The following PNPLA6 variants were observed in gnomAD, a reference collection of about 807,000 sequenced individuals.
PNPLA6 encodes the protein patatin like domain 6, lysophospholipase, also known as patatin-like phospholipase domain-containing protein 6.
Under a neutral mutation model 153.7 loss-of-function variants are expected in PNPLA6, and 105 were observed. That is an observed-to-expected ratio of 0.68 (90% CI 0.58 to 0.80). The LOEUF (loss-of-function observed/expected upper bound fraction) is 0.80. PNPLA6 is among the 30% of genes least tolerant of loss of function. PNPLA6 has a pLI of 0.00. For synonymous variants in PNPLA6, 825 were observed against 822.2 expected, an observed-to-expected ratio of 1.00 and a Z score of -0.06; for missense variants, 1,423 against 1,919.3, an observed-to-expected ratio of 0.74 and a Z score of 4.83.
chr19:7,535,950 C>T lies in PNPLA6; in HGVS notation c.162C>T (p.Ile54=), dbSNP rs200310048. ...TCCCTCAGGTGCTTGGCGTGATGAT[C>T]GGGGCCGGAGTGGCGGTGGTGGTCA... The part of the protein sequence containing the change: ...PFVPQVLGVM[I]GAGVAVVVTA... The change falls in exon 1 of 32, where the codon ATC becomes ATT. Residue 54 remains isoleucine (I), a synonymous_variant. Transcript: ENST00000600737. The surrounding 1 kb of genome is among the most constrained non-coding windows in gnomAD (Gnocchi z 5.0). 503 of 1,588,022 alleles carry T rather than the reference C, an allele frequency of 3.2e-4. 1 individual carries two copies. Among genetic ancestry groups the T allele is most frequent in the Middle Eastern group, 2.8e-3 (17 of 5,992 alleles).
In PNPLA6 at chr19:7,540,755, C is replaced by T. The variant is rs374345971; in HGVS notation, c.795+45C>T. On this transcript the variant is annotated intron_variant, in intron 6 of 31. Transcript: ENST00000600737. The surrounding 1 kb of genome is among the most constrained non-coding windows in gnomAD (Gnocchi z 6.8). ...GGCAGGGGGGCTGGGGTGCAAGGTC[C>T]CACCCAAGGGACTAGGTTGAAGGAA... The T allele has an allele frequency of 6.4e-6, 10 of 1,555,426 alleles. No homozygotes were observed. In the African/African-American group the frequency reaches 9.5e-5, roughly 15 times the overall value.
At position 7,560,784 on chromosome 19, in the gene PNPLA6, A is replaced by G; in HGVS notation, c.3816+20A>G. The G allele has an allele frequency of 6.9e-7, 1 of 1,457,580 alleles. No homozygotes were observed. The highest frequency in any genetic ancestry group is 9.6e-7 in the Non-Finnish European group (1 of 1,037,534). The allele number at this position is 1,457,580 out of a possible 1,614,324, so 90.3% of individuals were successfully genotyped here. ...GCAGACGTAAGCCTGTGATGCCCCCAGGGCCACTCTGACTCCACTGATTAC... is the reference window on the plus strand; with the variant it reads ...GCAGACGTAAGCCTGTGATGCCCCCGGGGCCACTCTGACTCCACTGATTAC... On this transcript the variant is annotated intron_variant, in intron 29 of 31. Transcript: ENST00000600737.
rs1281960651 is a variant in PNPLA6, at chr19:7,549,916, C to T, written c.1618C>T (p.Leu540=). Residue 540 remains leucine, a synonymous_variant, in exon 14 of 32, where the codon CTG becomes TTG. Transcript: ENST00000600737. ...IARQGDQDVS[L]HFVLWGCLHV... Reference sequence around the variant, plus strand: ...TCCCCTGCCCGCACAGGACGTGAGCCTGCACTTCGTGCTCTGGGGCTGCCT... The same window carrying T: ...TCCCCTGCCCGCACAGGACGTGAGCTTGCACTTCGTGCTCTGGGGCTGCCT... 6.2e-6 allele frequency: 10 copies of T among 1,613,624 alleles called. No homozygotes were observed. The highest frequency in any genetic ancestry group is 2.2e-5 in the East Asian group (1 of 44,888).
In PNPLA6 at chr19:7,554,443, G is replaced by A. The variant is rs598023; in HGVS notation, c.2466-112G>A. The stretch of plus-strand genomic sequence containing the variant: ...TCTGCCCACCGGAGCACGGACTTCC[G>A]TGGTGGGGGTTTGGGTGTCTAAGTT... On this transcript the variant is annotated intron_variant, in intron 20 of 31. Transcript: ENST00000600737. The A allele has an allele frequency of 0.78, 1,054,958 of 1,348,780 alleles. 414,372 individuals carry two copies. The highest frequency in any genetic ancestry group is 0.87 in the Admixed American group (48,467 of 55,648). 83.6% of individuals were successfully genotyped at this position (1,348,780 alleles called of 1,614,324 possible). A position where few individuals can be genotyped will look rare whatever the true frequency, so the allele number is the denominator to read the frequency against.
chr19:7,546,590 G>A (rs988605254), intron 13 of PNPLA6, among the ~76,000 whole-genome samples: 1 of 152,102 alleles, frequency 6.6e-6, no homozygotes, highest in Non-Finnish European at 1.5e-5. Context: ...TGTATTTGTA[G>A]TAGAGACAGG....
At position 7,555,404 on chromosome 19, in the gene PNPLA6, G is replaced by A. The variant is rs1423536898; in HGVS notation, c.2936+37G>A. On this transcript the variant is annotated intron_variant, in intron 23 of 31. Coordinates refer to ENST00000600737, the MANE Select transcript of PNPLA6 (RefSeq NM_001166114.2). This position sits in a 1 kb window ranked among gnomAD's most constrained non-coding sequence, Gnocchi z 6.3. ...GCTTGCTCTCTGGGGGCGGGGCCTG[G>A]ATGTCCGAGGGTGGAGCTTCCTGGG... The A allele has an allele frequency of 6.9e-7, 1 of 1,443,464 alleles. No homozygotes were observed. Among genetic ancestry groups the A allele is most frequent in the South Asian group, 1.2e-5 (1 of 82,072 alleles). The allele number at this position is 1,443,464 out of a possible 1,614,324, so 89.4% of individuals were successfully genotyped here.
rs1426342690 is a variant in PNPLA6, at chr19:7,541,639, G to A, written c.1123G>A (p.Gly375Arg). ...SATDEPRETP[G>R]RPPDPTGAPL... ...TACAGACGAGCCCAGGGAGACCCCAGGGCGGCCACCCGATCCCACCGGGGC... is the reference window on the plus strand; with the variant it reads ...TACAGACGAGCCCAGGGAGACCCCAAGGCGGCCACCCGATCCCACCGGGGC... Residue 375 changes from glycine to arginine, a missense_variant, in exon 9 of 32, where the codon GGG becomes AGG. Physicochemically the swap from Gly to Arg is moderately radical, Grantham distance 125. Transcript: ENST00000600737. This position sits in a 1 kb window ranked among gnomAD's most constrained non-coding sequence, Gnocchi z 5.2. 6.3e-7 allele frequency: 1 copy of A among 1,586,698 alleles called. No individual in the cohort carries two copies.
chr19:7,541,981 C>T lies in PNPLA6; in HGVS notation c.1169-3C>T. The T allele has an allele frequency of 6.2e-7, 1 of 1,607,738 alleles. No individual in the cohort carries two copies. Among genetic ancestry groups the T allele is most frequent in the Non-Finnish European group, 8.5e-7 (1 of 1,179,330 alleles). On this transcript the variant is annotated splice_region_variant and splice_polypyrimidine_tract_variant and intron_variant, in intron 9 of 31. Transcript: ENST00000600737. The surrounding 1 kb of genome is among the most constrained non-coding windows in gnomAD (Gnocchi z 5.2). ...CAGGAGCCTGAACATGTGTCTCCCCCAGGGGACCCTGTGAAGCCCACATCC... is the reference window on the plus strand; with the variant it reads ...CAGGAGCCTGAACATGTGTCTCCCCTAGGGGACCCTGTGAAGCCCACATCC...
Position 7,535,731 on chromosome 19 carries a change from C to T in PNPLA6, c.-58C>T. The stretch of plus-strand genomic sequence containing the variant: ...TTTCCCGGCATGCACTGCGGGCCGC[C>T]GGGCCTCAGGGAAGAGTCGCGCCCC... On this transcript the variant is annotated 5_prime_UTR_variant, in exon 1 of 32. Coordinates refer to ENST00000600737, the MANE Select transcript of PNPLA6 (RefSeq NM_001166114.2). The surrounding 1 kb of genome is among the most constrained non-coding windows in gnomAD (Gnocchi z 5.0). The T allele has an allele frequency of 2.0e-6, 3 of 1,518,610 alleles. No homozygotes were observed. Among genetic ancestry groups the T allele is most frequent in the Non-Finnish European group, 1.8e-6 (2 of 1,133,004 alleles). 94.1% of individuals were successfully genotyped at this position (1,518,610 alleles called of 1,614,324 possible). A position where few individuals can be genotyped will look rare whatever the true frequency, so the allele number is the denominator to read the frequency against.
At chr19:7,544,074 A>T (rs2146066597) in intron 13 of PNPLA6, among the ~76,000 whole-genome samples, 1 of 151,288 alleles carries the variant, frequency 6.6e-6, no homozygotes, top group South Asian at 2.1e-4. Flanking sequence ...AGGCCTTCCA[A>T]AGTGCTGGGA....
At chr19:7,535,233 G>A (rs1049113532), upstream of PNPLA6, 2 of 561,168 alleles carry the variant, frequency 3.6e-6, no homozygotes, top group African/African-American at 3.8e-5. The surrounding 1 kb of genome is among the most constrained non-coding windows in gnomAD (Gnocchi z 5.0). Context: ...TGGCCCCGGG[G>A]TGGGGTTGGA....
chr19:7,550,219 G>C lies in PNPLA6; in HGVS notation c.1815-79G>C. The C allele has an allele frequency of 3.7e-6, 6 of 1,610,066 alleles. No individual in the cohort carries two copies. The South Asian group carries it at 5.5e-5, about 15-fold the overall frequency. ...CTCACTCCTGGAAGAGCAGAAGGGA[G>C]CCCCCAGATCTGGCCTCCCAGCGCC... On this transcript the variant is annotated intron_variant, in intron 14 of 31. Coordinates refer to ENST00000600737, the MANE Select transcript of PNPLA6 (RefSeq NM_001166114.2).
At chr19:7,552,346 G>A (rs1014253980) in intron 18 of PNPLA6, among the ~76,000 whole-genome samples, 1 of 152,178 alleles carries the variant, frequency 6.6e-6, no homozygotes, top group Non-Finnish European at 1.5e-5. Context: ...CCAGATTCTG[G>A]GCCAGCCCAG....
intron 13 of PNPLA6, among the ~76,000 whole-genome samples, chr19:7,545,877 T>G (rs1019370010): frequency 4.7e-5 from 6 of 127,734 alleles, no homozygotes; most frequent in African/African-American, 1.8e-4. Flanking sequence ...ACCCCTGCAC[T>G]CCAGCCTGTG....
chr19:7,561,584 C>T lies in PNPLA6; in HGVS notation c.*22C>T, dbSNP rs530636876. 2 of 1,541,730 alleles carry T rather than the reference C, an allele frequency of 1.3e-6. No individual in the cohort carries two copies. The highest frequency in any genetic ancestry group is 2.3e-5 in the South Asian group (2 of 85,168). Reference sequence around the variant, plus strand: ...CTGAGGACCTCGACAGGGGTCACCCCCTCCCTCCCACCCCTGGACTGGGCT... The same window carrying T: ...CTGAGGACCTCGACAGGGGTCACCCTCTCCCTCCCACCCCTGGACTGGGCT... On this transcript the variant is annotated 3_prime_UTR_variant, in exon 32 of 32. Transcript: ENST00000600737.
intron 13 of PNPLA6, among the ~76,000 whole-genome samples, chr19:7,548,038 C>A (rs1222373652): frequency 6.7e-6 from 1 of 150,332 alleles, no homozygotes; most frequent in Non-Finnish European, 1.5e-5. Context: ...TGTCTTGGAC[C>A]ACACATAAAA....
Position 7,555,534 on chromosome 19 carries a change from TGGG to T in PNPLA6, c.2937-72_2937-70del. Reference sequence around the variant, plus strand: ...CTTTGTTCCTTAGCAGTGCGGGAGGTGGGAGGAGGTAGGGGCAGGGGAGTTCCT... The same window carrying T: ...CTTTGTTCCTTAGCAGTGCGGGAGGTAGGAGGTAGGGGCAGGGGAGTTCCT... On this transcript the variant is annotated intron_variant, in intron 23 of 31. Transcript: ENST00000600737. The surrounding 1 kb of genome is among the most constrained non-coding windows in gnomAD (Gnocchi z 6.3). 1 of 1,506,828 alleles carries T rather than the reference TGGG, an allele frequency of 6.6e-7. No homozygotes were observed. Among genetic ancestry groups the T allele is most frequent in the South Asian group, 1.2e-5 (1 of 82,374 alleles). The allele number at this position is 1,506,828 out of a possible 1,614,324, so 93.3% of individuals were successfully genotyped here.
Position 7,541,908 on chromosome 19 carries a change from C to A in PNPLA6, c.1169-76C>A. 1.5e-6 allele frequency: 2 copies of A among 1,315,196 alleles called. No individual in the cohort carries two copies. Among genetic ancestry groups the A allele is most frequent in the Non-Finnish European group, 2.2e-6 (2 of 918,028 alleles). The allele number at this position is 1,315,196 out of a possible 1,614,324, so 81.5% of individuals were successfully genotyped here. A position where few individuals can be genotyped will look rare whatever the true frequency, so the allele number is the denominator to read the frequency against. On this transcript the variant is annotated intron_variant, in intron 9 of 31. Transcript: ENST00000600737. The surrounding 1 kb of genome is among the most constrained non-coding windows in gnomAD (Gnocchi z 5.2). Reference sequence around the variant, plus strand: ...CTTTAACTAGTTAATCAGTCGCCAGCATCTCCTTATCTCCCAACCTGCTAA... The same window carrying A: ...CTTTAACTAGTTAATCAGTCGCCAGAATCTCCTTATCTCCCAACCTGCTAA...
rs199515082 is a variant in PNPLA6 at position 7,542,990 on chromosome 19, C to A, written c.1531-17C>A. On this transcript the variant is annotated splice_polypyrimidine_tract_variant and intron_variant, in intron 12 of 31. Coordinates refer to ENST00000600737, the MANE Select transcript of PNPLA6 (RefSeq NM_001166114.2). The stretch of plus-strand genomic sequence containing the variant: ...GGAGGCCTGGCTGCGCCCATCTCAA[C>A]CCCCCTACCTCCCCAGGACCCCTCC... 9 of 1,613,522 alleles carry A rather than the reference C, an allele frequency of 5.6e-6. No individual in the cohort carries two copies. The East Asian group carries it at 2.0e-4, about 36-fold the overall frequency.
Sources: gnomAD v4.1 joint callset for allele counts (sites outside exome capture counted in the v4.1 genomes callset) on GRCh38, gnomAD v4.1.1 for gene constraint, Gnocchi (gnomAD v3.1) non-coding constraint, MANE v1.5 for transcripts, NCBI Gene and HGNC (gene_info 2026-07-23, HGNC 2026-07-21) for gene names.